MTFR1: variants seen among roughly 807,000 people sequenced by gnomAD.
MTFR1 encodes the protein mitochondrial fission regulator 1.
A neutral mutation model predicts 38.8 loss-of-function variants in MTFR1; 28 were observed. The ratio of observed to expected loss-of-function variants is 0.72; its 90% confidence interval spans 0.53 to 0.99. The LOEUF is 0.99. Among genes scored for constraint, MTFR1 ranks in the 50% least tolerant of loss-of-function variants. The pLI, the probability that MTFR1 is intolerant of heterozygous loss-of-function variation, is 0.00. For synonymous variants in MTFR1, 145 were observed against 137.0 expected (o/e 1.06, Z -0.41); for missense variants, 358 against 395.5 (o/e 0.91, Z 0.81).
In MTFR1 at chr8:65,679,185, A is replaced by G. The variant is rs138215031; in HGVS notation, c.67-3168A>G. Among the ~76,000 whole-genome samples, 27 of 152,334 alleles carry G rather than the reference A, an allele frequency of 1.8e-4. No homozygotes were observed. In the East Asian group the frequency reaches 5.2e-3, roughly 29 times the overall value. On this transcript the variant is annotated intron_variant, in intron 2 of 7. Coordinates refer to ENST00000262146, the MANE Select transcript of MTFR1 (RefSeq NM_014637.4). ...CGTTGTAATGCACAAATAGCATTCCACTTGTACTACATCATAGGAGAATTT... is the reference window on the plus strand; with the variant it reads ...CGTTGTAATGCACAAATAGCATTCCGCTTGTACTACATCATAGGAGAATTT...
chr8:65,736,314 ATTGT>A (rs1361499135), intron 3 of MTFR1, among the ~76,000 whole-genome samples: 2 of 152,202 alleles, frequency 1.3e-5, no homozygotes, highest in African/African-American at 4.8e-5. Context: ...AAACTTATGA[ATTGT>A]TTACTTCTGG....
intron 2 of MTFR1, among the ~76,000 whole-genome samples, chr8:65,681,762 G>T (rs907694360): frequency 3.5e-5 from 5 of 141,382 alleles, no homozygotes; most frequent in Admixed American, 7.6e-5. Flanking sequence ...GAGAAATTCT[G>T]CTCAGATGAA....
intron 3 of MTFR1, chr8:65,724,283 T>G (rs759977235): frequency 6.2e-7 from 1 of 1,612,310 alleles, no homozygotes; most frequent in East Asian, 2.2e-5. Flanking sequence ...CCGTTACTTT[T>G]TCACTCCACT....
At chr8:65,700,370 A>G (rs1466822916) in intron 4 of MTFR1, among the ~76,000 whole-genome samples, 3 of 150,814 alleles carry the variant, frequency 2.0e-5, no homozygotes, top group African/African-American at 7.4e-5. Context: ...AAAAAAAGAA[A>G]AAAGAAAACA....
intron 3 of MTFR1, among the ~76,000 whole-genome samples, chr8:65,728,885 A>G (rs1004121070): frequency 1.3e-5 from 2 of 152,256 alleles, no homozygotes; most frequent in Non-Finnish European, 2.9e-5. Flanking sequence ...ACCATTAAAA[A>G]TAGGAACATG....
chr8:65,667,980 G>C (rs1410705936), intron 1 of MTFR1, among the ~76,000 whole-genome samples: 1 of 151,898 alleles, frequency 6.6e-6, no homozygotes. Context: ...TTTTCACCCA[G>C]CACTTGGCAT....
chr8:65,774,165 G>A (rs944478126), downstream of MTFR1, among the ~76,000 whole-genome samples: 1 of 152,106 alleles, frequency 6.6e-6, no homozygotes, highest in Non-Finnish European at 1.5e-5. Context: ...TTTCTGCTAC[G>A]TTATTGCAGA....
At position 65,719,751 on chromosome 8, in the gene MTFR1, CCTT is replaced by C. The variant is rs1806295935; in HGVS notation, c.*48+273_*48+275del. 4 of 462,410 alleles carry C rather than the reference CCTT, an allele frequency of 8.7e-6. 1 individual carries two copies. The highest frequency in any genetic ancestry group is 1.6e-5 in the Non-Finnish European group (4 of 254,904). The allele number at this position is 462,410 out of a possible 1,614,324, so 28.6% of individuals were successfully genotyped here. A position where few individuals can be genotyped will look rare whatever the true frequency, so the allele number is the denominator to read the frequency against. On this transcript the variant is annotated intron_variant, in intron 3 of 3. Coordinates refer to the MTFR1 transcript ENST00000521247. ...AATATATCTAACCTTTTCTGGTTAT[CCTT>C]CTCAGTGGCACAACTACATTCTTCT...
At chr8:65,750,510 G>C (rs1292816495) in intron 3 of MTFR1, among the ~76,000 whole-genome samples, 5 of 151,368 alleles carry the variant, frequency 3.3e-5, no homozygotes, top group Admixed American at 3.3e-4. Flanking sequence ...GTGTCTGTGT[G>C]TGTCTGTGTG....
At chr8:65,701,862 G>A (rs1039326714) in intron 4 of MTFR1, among the ~76,000 whole-genome samples, 4 of 152,162 alleles carry the variant, frequency 2.6e-5, no homozygotes, top group Non-Finnish European at 5.9e-5. Flanking sequence ...AGGTGCAAGA[G>A]TAGGCCAGGA....
chr8:65,734,112 A>G (rs368192911), intron 3 of MTFR1, among the ~76,000 whole-genome samples: 71 of 152,328 alleles, frequency 4.7e-4, no homozygotes, highest in African/African-American at 1.6e-3. Flanking sequence ...TACATTTAAT[A>G]CCACGGATCC....
chr8:65,693,604 C>A (rs1805346549), intron 3 of MTFR1, 40 bp from the exon 4 acceptor site: 1 of 1,559,422 alleles, frequency 6.4e-7, no homozygotes, highest in Non-Finnish European at 8.8e-7. Flanking sequence ...CATTTTGGTG[C>A]CATCTTTGGT....
chr8:65,695,347 AT>A (rs61505221), intron 4 of MTFR1, among the ~76,000 whole-genome samples: 48 of 148,214 alleles, frequency 3.2e-4, no homozygotes, highest in African/African-American at 6.9e-4. Flanking sequence ...TGGTGAAACA[AT>A]TTTTTTTTTT....
At chr8:65,676,938 T>C (rs774325680) in intron 2 of MTFR1, among the ~76,000 whole-genome samples, 3 of 152,172 alleles carry the variant, frequency 2.0e-5, no homozygotes, top group Non-Finnish European at 4.4e-5. Context: ...TGTTGCTAAA[T>C]GTTATGGACT....
rs975002635 is a variant in MTFR1 at position 65,710,278 on chromosome 8, A to G, written c.*1234A>G. 6.6e-6 allele frequency: 1 copy of G among 152,218 alleles called. No individual in the cohort carries two copies. Among genetic ancestry groups the G allele is most frequent in the Non-Finnish European group, 1.5e-5 (1 of 68,026 alleles). The allele number at this position is 152,218 out of a possible 1,614,324, so 9.4% of individuals were successfully genotyped here. On this transcript the variant is annotated 3_prime_UTR_variant, in exon 8 of 8. Coordinates refer to ENST00000262146, the MANE Select transcript of MTFR1 (RefSeq NM_014637.4). ...CTTTTAAGTTCTTGAAAATATATGCATTCTCCTAAATATTAACAAAAATGA... is the reference window on the plus strand; with the variant it reads ...CTTTTAAGTTCTTGAAAATATATGCGTTCTCCTAAATATTAACAAAAATGA...
At chr8:65,708,586 C>T (rs1294808100) in intron 7 of MTFR1, among the ~76,000 whole-genome samples, 2 of 152,174 alleles carry the variant, frequency 1.3e-5, no homozygotes, top group African/African-American at 2.4e-5. Context: ...ACATTACTGT[C>T]CTGGGGCGTG....
chr8:65,730,159 G>T (rs1430144197), intron 3 of MTFR1, among the ~76,000 whole-genome samples: 1 of 136,226 alleles, frequency 7.3e-6, no homozygotes, highest in East Asian at 2.2e-4. Context: ...GAGGGATCCA[G>T]GTTGCGCACT....
intron 3 of MTFR1, among the ~76,000 whole-genome samples, chr8:65,721,608 T>C (rs1806379391): frequency 6.6e-6 from 1 of 152,176 alleles, no homozygotes; most frequent in South Asian, 2.1e-4. Flanking sequence ...ACAAGATCAA[T>C]AGCTTGAGAT....
At chr8:65,694,587 T>C (rs1805379937) in intron 4 of MTFR1, among the ~76,000 whole-genome samples, 1 of 152,186 alleles carries the variant, frequency 6.6e-6, no homozygotes, top group South Asian at 2.1e-4. Context: ...AGTACAGTAA[T>C]TATAATGGTC....
Sources: gnomAD v4.1 joint callset for allele counts (sites outside exome capture counted in the v4.1 genomes callset) on GRCh38, gnomAD v4.1.1 for gene constraint, MANE v1.5 for transcripts, NCBI Gene and HGNC (gene_info 2026-07-23, HGNC 2026-07-21) for gene names.